The following CADPS2 variants were observed in gnomAD, a reference collection of about 807,000 sequenced individuals.
CADPS2 encodes the protein calcium-dependent secretion activator 2.
Under a neutral mutation model 172.5 loss-of-function variants are expected in CADPS2, and 93 were observed. That is an observed-to-expected ratio of 0.54 (90% CI 0.46 to 0.64). CADPS2 has a LOEUF of 0.64. CADPS2 is among the 30% of genes least tolerant of loss of function. The pLI is 0.00. For missense variants in CADPS2, 1,420 were observed against 1,565.9 expected (o/e 0.91, Z 1.57); for synonymous variants, 546 against 555.2 (o/e 0.98, Z 0.23).
intron 22 of CADPS2, 85 bp downstream of exon 22, chr7:122,393,111 T>G: frequency 7.1e-7 from 1 of 1,409,264 alleles, no homozygotes; most frequent in Non-Finnish European, 9.5e-7. Context: ...ACAAATGCCA[T>G]GCAGTCTAAA....
intron 16 of CADPS2, among the ~76,000 whole-genome samples, chr7:122,440,876 A>G (rs1329385293): frequency 6.6e-6 from 1 of 152,178 alleles, no homozygotes; most frequent in Non-Finnish European, 1.5e-5. Context: ...CAGACAGATG[A>G]AAAAATACTG....
intron 3 of CADPS2, among the ~76,000 whole-genome samples, chr7:122,645,419 ATATGTG>A (rs1563949060): frequency 5.0e-5 from 4 of 80,614 alleles, no homozygotes; most frequent in Admixed American, 2.7e-4. Context: ...ACACACATGT[ATATGTG>A]TGTATATATG....
At chr7:122,694,440 T>G (rs1450430481) in intron 2 of CADPS2, among the ~76,000 whole-genome samples, 1 of 152,054 alleles carries the variant, frequency 6.6e-6, no homozygotes, top group Non-Finnish European at 1.5e-5. Context: ...GAAATCAGAG[T>G]CACCCTGGTC....
At chr7:122,320,907 C>T (rs1225556937) in intron 29 of CADPS2, among the ~76,000 whole-genome samples, 1 of 152,082 alleles carries the variant, frequency 6.6e-6, no homozygotes, top group African/African-American at 2.4e-5. Flanking sequence ...GAATTTTGCC[C>T]TTTTCTTTTG....
At chr7:122,581,350 A>ACACATCTCCT in intron 6 of CADPS2, 60 bp from the exon 7 acceptor site, 8 of 1,296,222 alleles carry the variant, frequency 6.2e-6, no homozygotes, top group Non-Finnish European at 8.9e-6. Flanking sequence ...CCCCAAGGAG[A>ACACATCTCCT]TGTGTCTCCA....
At chr7:122,512,640 A>AT (rs1394884591) in intron 9 of CADPS2, among the ~76,000 whole-genome samples, 1 of 152,162 alleles carries the variant, frequency 6.6e-6, no homozygotes, top group African/African-American at 2.4e-5. Context: ...TTCTTGGCTT[A>AT]TTTGTACTAA....
intron 1 of CADPS2, among the ~76,000 whole-genome samples, chr7:122,882,474 T>C (rs1823173494): frequency 6.6e-6 from 1 of 152,162 alleles, no homozygotes; most frequent in African/African-American, 2.4e-5. Flanking sequence ...ACCAGCACTT[T>C]AAGCCATATA....
At chr7:122,455,428 A>C (rs2053640687) in intron 14 of CADPS2, among the ~76,000 whole-genome samples, 1 of 151,516 alleles carries the variant, frequency 6.6e-6, no homozygotes. Context: ...TATTTAATAA[A>C]AATGTTTTAT....
intron 6 of CADPS2, among the ~76,000 whole-genome samples, chr7:122,598,718 C>T (rs1276497656): frequency 6.6e-6 from 1 of 152,076 alleles, no homozygotes; most frequent in Non-Finnish European, 1.5e-5. Context: ...TAGAAGCACT[C>T]TTATTAATAC....
chr7:122,613,043 C>A (rs887445892), intron 6 of CADPS2, among the ~76,000 whole-genome samples: 1 of 151,988 alleles, frequency 6.6e-6, no homozygotes, highest in Non-Finnish European at 1.5e-5. Context: ...CAAAAATCAA[C>A]CTAAAATGGA....
At chr7:122,395,279 C>A (rs892822376) in intron 20 of CADPS2, among the ~76,000 whole-genome samples, 2 of 152,150 alleles carry the variant, frequency 1.3e-5, no homozygotes, top group African/African-American at 4.8e-5. Context: ...ATTCTAAACA[C>A]AGAAGGAAAT....
intron 1 of CADPS2, among the ~76,000 whole-genome samples, chr7:122,844,426 G>T (rs1349616780): frequency 5.3e-5 from 8 of 152,156 alleles, no homozygotes; most frequent in African/African-American, 1.7e-4. Context: ...TCCAGGAGAT[G>T]AATCACCTAA....
At chr7:122,804,936 T>C (rs575278104) in intron 1 of CADPS2, among the ~76,000 whole-genome samples, 3 of 152,302 alleles carry the variant, frequency 2.0e-5, no homozygotes, top group African/African-American at 7.2e-5. Flanking sequence ...TGGGGATTGG[T>C]AAATAGAATT....
At chr7:122,877,998 T>G (rs1475275135) in intron 1 of CADPS2, among the ~76,000 whole-genome samples, 1 of 133,740 alleles carries the variant, frequency 7.5e-6, no homozygotes, top group African/African-American at 3.0e-5. Flanking sequence ...ACTGCACTAT[T>G]TTTAAAAAGT....
chr7:122,775,974 A>T lies in CADPS2; in HGVS notation c.340-38906T>A, dbSNP rs75258752. Among the ~76,000 whole-genome samples the T allele has an allele frequency of 5.3e-5, 8 of 151,952 alleles. No homozygotes were observed. In the Middle Eastern group the frequency reaches 0.014, roughly 258 times the overall value. The stretch of plus-strand genomic sequence containing the variant: ...GTACAGTATTTATTCAAGTTCAAAA[A>T]TTTTTTTCTAGAGAAGTTAGATGGG... On this transcript the variant is annotated intron_variant, in intron 1 of 29. Transcript: ENST00000449022.
chr7:122,363,050 T>G (rs2040391563), intron 25 of CADPS2, among the ~76,000 whole-genome samples: 1 of 120,704 alleles, frequency 8.3e-6, no homozygotes, highest in Non-Finnish European at 2.0e-5. Context: ...CCCACAAAAT[T>G]GCGAATTGCT....
At chr7:122,801,584 A>G (rs1029807268) in intron 1 of CADPS2, among the ~76,000 whole-genome samples, 2 of 152,206 alleles carry the variant, frequency 1.3e-5, no homozygotes, top group African/African-American at 4.8e-5. Flanking sequence ...GAAAAAGACA[A>G]GGATACCTAT....
intron 7 of CADPS2, among the ~76,000 whole-genome samples, chr7:122,569,774 A>G (rs1247732650): frequency 1.4e-5 from 2 of 146,922 alleles, no homozygotes; most frequent in Non-Finnish European, 3.0e-5. Context: ...AAAAACAAGC[A>G]ATGGGGAAAG....
intron 22 of CADPS2, among the ~76,000 whole-genome samples, chr7:122,389,758 A>G (rs999669827): frequency 6.6e-6 from 1 of 152,060 alleles, no homozygotes; most frequent in Non-Finnish European, 1.5e-5. Flanking sequence ...TGCTTCACAT[A>G]TACTAACTTA....
Sources: allele counts gnomAD v4.1 joint callset (sites outside exome capture counted in the v4.1 genomes callset), GRCh38; gene constraint gnomAD v4.1.1; transcripts MANE v1.5; gene names NCBI Gene and HGNC (gene_info 2026-07-23, HGNC 2026-07-21).